The following CDIN1 variants were observed in gnomAD, a reference collection of about 807,000 sequenced individuals.
The protein encoded by CDIN1 is CDAN1 interacting nuclease 1.
A neutral mutation model predicts 45.3 loss-of-function variants in CDIN1; 33 were observed. That is an observed-to-expected ratio of 0.73 (90% CI 0.55 to 0.97). The LOEUF (loss-of-function observed/expected upper bound fraction) is 0.97, where lower values mean the gene tolerates loss of function less well. CDIN1 is among the 50% of genes least tolerant of loss of function. CDIN1 has a pLI of 0.00. For missense variants in CDIN1, 303 were observed against 339.4 expected (o/e 0.89, Z 0.84); for synonymous variants, 118 against 124.4 (o/e 0.95, Z 0.34).
rs2040014426 is a variant in CDIN1, at chr15:36,639,267, A to AGG, written c.102-5011_102-5010insGG. On this transcript the variant is annotated intron_variant, in intron 1 of 10. Coordinates refer to ENST00000566621, the MANE Select transcript of CDIN1 (RefSeq NM_001321759.2). ...CAATGGATTGAAAATATTTGGGGAA[A>AGG]AAAAAAGCAATAAAAGTAACACTAC... Among the ~76,000 whole-genome samples, 5 of 152,030 alleles carry AGG rather than the reference A, an allele frequency of 3.3e-5. 1 individual carries two copies. The highest frequency in any genetic ancestry group is 4.2e-4 in the South Asian group (2 of 4,816).
At chr15:36,694,080 A>C (rs936293083) in intron 7 of CDIN1, among the ~76,000 whole-genome samples, 1 of 152,194 alleles carries the variant, frequency 6.6e-6, no homozygotes, top group Non-Finnish European at 1.5e-5. Flanking sequence ...TAGACTTTGC[A>C]TTTCATATAT....
At chr15:36,628,206 T>A (rs977590392) in intron 1 of CDIN1, among the ~76,000 whole-genome samples, 4 of 152,124 alleles carry the variant, frequency 2.6e-5, no homozygotes, top group African/African-American at 4.8e-5. Flanking sequence ...TTAGCCCTTT[T>A]GTGGTCAGTT....
chr15:36,682,019 A>C (rs1259556455), intron 5 of CDIN1, among the ~76,000 whole-genome samples: 2 of 152,178 alleles, frequency 1.3e-5, no homozygotes, highest in Non-Finnish European at 2.9e-5. Context: ...GTTTAAAAAA[A>C]TGGAAATCAA....
rs766680463 is a variant in CDIN1 at position 36,672,655 on chromosome 15, T to G, written c.346+14750T>G. Among the ~76,000 whole-genome samples, 29 of 151,982 alleles carry G rather than the reference T, an allele frequency of 1.9e-4. 1 individual carries two copies. The highest frequency in any genetic ancestry group is 4.3e-4 in the Non-Finnish European group (29 of 67,966). On this transcript the variant is annotated intron_variant, in intron 5 of 10. Transcript: ENST00000566621. The stretch of plus-strand genomic sequence containing the variant: ...TCTCAAATTCAATTAAGCAAGGAAG[T>G]ATACTCCAGGTTGTCTTGTAAAATA...
intron 5 of CDIN1, among the ~76,000 whole-genome samples, chr15:36,681,894 T>C (rs1209549929): frequency 1.3e-5 from 2 of 152,100 alleles, no homozygotes; most frequent in Non-Finnish European, 2.9e-5. Flanking sequence ...AACTAATAAA[T>C]GAAATGCTTC....
Position 36,739,067 on chromosome 15 carries a change from T to A in CDIN1, c.716+29106T>A, listed in dbSNP as rs554291872. 8.7e-4 allele frequency among the ~76,000 whole-genome samples: 132 copies of A among 152,190 alleles called. 1 individual carries two copies. The highest frequency in any genetic ancestry group is 1.5e-3 in the Non-Finnish European group (99 of 67,970). Reference sequence around the variant, plus strand: ...AATCTAATATATATGCCATGGAAAATAAACAATCATCAGTCTTTGAGTTTT... The same window carrying A: ...AATCTAATATATATGCCATGGAAAAAAAACAATCATCAGTCTTTGAGTTTT... On this transcript the variant is annotated intron_variant, in intron 10 of 10. Coordinates refer to ENST00000566621, the MANE Select transcript of CDIN1 (RefSeq NM_001321759.2).
intron 10 of CDIN1, among the ~76,000 whole-genome samples, chr15:36,750,161 A>T (rs914803205): frequency 2.0e-5 from 3 of 152,098 alleles, no homozygotes; most frequent in Admixed American, 2.0e-4. Flanking sequence ...CTATGTGGGT[A>T]TGACTGTCAT....
intron 10 of CDIN1, among the ~76,000 whole-genome samples, chr15:36,746,141 G>C (rs1462602856): frequency 6.6e-6 from 1 of 152,120 alleles, no homozygotes; most frequent in East Asian, 1.9e-4. Flanking sequence ...GTTTTGTTGA[G>C]CAAATTGCTA....
At chr15:36,717,582 G>T (rs1030692548) in intron 10 of CDIN1, among the ~76,000 whole-genome samples, 4 of 152,044 alleles carry the variant, frequency 2.6e-5, no homozygotes, top group Admixed American at 6.6e-5. Context: ...TGGACATTGG[G>T]CTTATTTTTA....
chr15:36,749,843 C>A (rs2053411155), intron 10 of CDIN1, among the ~76,000 whole-genome samples: 1 of 152,172 alleles, frequency 6.6e-6, no homozygotes. Context: ...TCTGAAGGAG[C>A]AGCAAGTCTG....
intron 1 of CDIN1, chr15:36,641,074 A>T (rs2040085489): frequency 6.6e-6 from 1 of 152,216 alleles, no homozygotes; most frequent in Non-Finnish European, 1.5e-5. Flanking sequence ...AGAACTAGAA[A>T]TTATGGAAAT....
chr15:36,688,272 A>C (rs1339729905), intron 5 of CDIN1, among the ~76,000 whole-genome samples: 1 of 152,120 alleles, frequency 6.6e-6, no homozygotes, highest in Non-Finnish European at 1.5e-5. Flanking sequence ...AAAAGCTTAT[A>C]CAAATTAATA....
At chr15:36,788,106 ATTTTTT>A (rs1172040193) in intron 10 of CDIN1, among the ~76,000 whole-genome samples, 55 of 50,466 alleles carry the variant, frequency 1.1e-3, no homozygotes, top group African/African-American at 4.2e-3. Flanking sequence ...ATATATATAT[ATTTTTT>A]TTTTTTTTTT....
intron 1 of CDIN1, among the ~76,000 whole-genome samples, chr15:36,636,338 G>T (rs1431529536): frequency 6.6e-6 from 1 of 152,116 alleles, no homozygotes; most frequent in African/African-American, 2.4e-5. Context: ...GGATCATGAG[G>T]TCAGGAGATC....
At chr15:36,724,957 A>AG (rs1262483402) in intron 10 of CDIN1, among the ~76,000 whole-genome samples, 1 of 152,164 alleles carries the variant, frequency 6.6e-6, no homozygotes, top group Non-Finnish European at 1.5e-5. Context: ...CACACTTGAA[A>AG]GAAACCTTGG....
At chr15:36,804,364 CCT>C (rs906322539) in intron 10 of CDIN1, among the ~76,000 whole-genome samples, 10 of 152,216 alleles carry the variant, frequency 6.6e-5, no homozygotes, top group African/African-American at 9.6e-5. Context: ...TGCCTGCACC[CCT>C]GTCTCTAGAC....
intron 10 of CDIN1, chr15:36,747,210 T>A (rs1325579731): frequency 2.6e-6 from 1 of 379,524 alleles, no homozygotes; most frequent in Non-Finnish European, 4.7e-6. Flanking sequence ...TGTTATATTA[T>A]CTCTCTAAAT....
At chr15:36,664,848 G>C (rs760484489) in intron 5 of CDIN1, among the ~76,000 whole-genome samples, 6 of 152,160 alleles carry the variant, frequency 3.9e-5, no homozygotes, top group Non-Finnish European at 7.4e-5. Context: ...GCCCAGCCTG[G>C]TTACACATTT....
chr15:36,613,624 C>T, intron 1 of CDIN1: 8 of 1,446,172 alleles, frequency 5.5e-6, no homozygotes, highest in Non-Finnish European at 7.7e-6. Context: ...AGGTGGCCTC[C>T]TTGAACCGTA....
Sources: gnomAD v4.1 joint callset for allele counts (sites outside exome capture counted in the v4.1 genomes callset) on GRCh38, gnomAD v4.1.1 for gene constraint, MANE v1.5 for transcripts, NCBI Gene and HGNC (gene_info 2026-07-23, HGNC 2026-07-21) for gene names.